Variants in RANBP2 observed in about 807,000 individuals in gnomAD.
The protein encoded by RANBP2 is RAN binding protein 2.
A neutral mutation model predicts 303.6 loss-of-function variants in RANBP2; 57 were observed. The ratio of observed to expected loss-of-function variants is 0.19; its 90% confidence interval spans 0.15 to 0.23. The LOEUF is 0.23. RANBP2 is among the 10% of genes least tolerant of loss of function. The probability of loss-of-function intolerance (pLI) is 1.00; values close to 1 mark genes in which losing one functional copy is unlikely to be tolerated. For synonymous variants in RANBP2, 1,167 were observed against 1,301.5 expected (o/e 0.90, Z 2.23); for missense variants, 3,138 against 3,780.8 (o/e 0.83, Z 4.46).
the RANBP2 span, among the ~76,000 whole-genome samples, chr2:109,644,350 C>T: frequency 2.0e-5 from 3 of 152,176 alleles, no homozygotes; most frequent in South Asian, 2.1e-4. Flanking sequence ...TGACTCTGCA[C>T]GAATTTCTCT....
chr2:109,465,616 C>T, the RANBP2 span, among the ~76,000 whole-genome samples: 6 of 152,154 alleles, frequency 3.9e-5, no homozygotes, highest in Non-Finnish European at 8.8e-5. Flanking sequence ...TAAAGAAATA[C>T]CTGAGACTGG....
the RANBP2 span, among the ~76,000 whole-genome samples, chr2:109,638,761 TGG>T: frequency 1.3e-5 from 2 of 152,170 alleles, no homozygotes; most frequent in African/African-American, 4.8e-5. Flanking sequence ...GGCTCATTCA[TGG>T]GGGCTTGATC....
rs763186550 is a variant in RANBP2 at position 108,772,836 on chromosome 2, T to A, written c.8114-32T>A. ...TGTAGAGAAGTTGGGCTTCATCTAATTTCGTTTGCTTGTGTTGTACTGATT... is the reference window on the plus strand; with the variant it reads ...TGTAGAGAAGTTGGGCTTCATCTAAATTCGTTTGCTTGTGTTGTACTGATT... On this transcript the variant is annotated intron_variant, in intron 22 of 28. Coordinates refer to ENST00000283195, the MANE Select transcript of RANBP2 (RefSeq NM_006267.5). 36 of 1,607,602 alleles carry A rather than the reference T, an allele frequency of 2.2e-5. No homozygotes were observed. The East Asian group carries it at 6.9e-4, about 31-fold the overall frequency.
chr2:108,896,410 G>T, the RANBP2 span: 1 of 156,514 alleles, frequency 6.4e-6, no homozygotes, highest in African/African-American at 2.4e-5. Context: ...TCCCAGTAGG[G>T]AGTCATCTCC....
chr2:109,258,588 G>C, the RANBP2 span, among the ~76,000 whole-genome samples: 3 of 152,192 alleles, frequency 2.0e-5, no homozygotes, highest in South Asian at 4.1e-4. Flanking sequence ...CAGTCATCCC[G>C]CAATTCCCCA....
the RANBP2 span, chr2:108,876,309 T>C: frequency 1.0e-6 from 1 of 962,118 alleles, no homozygotes; most frequent in Non-Finnish European, 1.5e-6. Context: ...CATGTAGAAA[T>C]TACCAAAGTA....
chr2:109,418,173 G>T, the RANBP2 span, among the ~76,000 whole-genome samples: 1 of 152,078 alleles, frequency 6.6e-6, no homozygotes, highest in Non-Finnish European at 1.5e-5. Flanking sequence ...TCCAGTTTCT[G>T]CTGGGACCCC....
the RANBP2 span, among the ~76,000 whole-genome samples, chr2:108,949,372 T>C: frequency 2.6e-5 from 4 of 152,298 alleles, no homozygotes; most frequent in African/African-American, 7.2e-5. Flanking sequence ...GCACAATATC[T>C]GATAATTTTG....
chr2:108,752,238 CT>C (rs1675940806), intron 12 of RANBP2, among the ~76,000 whole-genome samples: 1 of 151,242 alleles, frequency 6.6e-6, no homozygotes, highest in Non-Finnish European at 1.5e-5. Context: ...TAATTAAGTT[CT>C]GATAATTATT....
At chr2:109,572,647 C>T in the RANBP2 span, among the ~76,000 whole-genome samples, 1 of 136,904 alleles carries the variant, frequency 7.3e-6, no homozygotes, top group African/African-American at 2.7e-5. Flanking sequence ...GACGGAGTCT[C>T]GCTCTGTCGC....
At chr2:109,693,216 C>A in the RANBP2 span, among the ~76,000 whole-genome samples, 15 of 152,174 alleles carry the variant, frequency 9.9e-5, no homozygotes, top group East Asian at 2.9e-3. Flanking sequence ...CTCACTCTAT[C>A]GCCCAGGCTG....
chr2:109,630,629 T>G, the RANBP2 span, among the ~76,000 whole-genome samples: 15 of 152,322 alleles, frequency 9.8e-5, no homozygotes, highest in East Asian at 2.7e-3. Flanking sequence ...ATGAGCATAA[T>G]GCACTTTGCT....
rs1444101467 is a variant in RANBP2 at position 108,730,864 on chromosome 2, C to G, written c.231C>G (p.Asp77Glu). Residue 77 changes from aspartate (D) to glutamate (E), a missense_variant, in exon 3 of 29, where the codon GAC becomes GAG. Physicochemically the swap from Asp to Glu is conservative, Grantham distance 45. Around this residue, in one of 20 missense-constraint regions of RANBP2, gnomAD observed 306 missense variants for 381.9 expected, o/e 0.80. Coordinates refer to ENST00000283195, the MANE Select transcript of RANBP2 (RefSeq NM_006267.5). ...GLLYELEENT[D>E]KAVECYRRSV... ...TTTATGAATTGGAAGAAAACACAGA[C>G]AAAGCCGTTGAATGTTACAGGGTAA... The G allele has an allele frequency of 2.0e-5, 33 of 1,611,618 alleles. No individual in the cohort carries two copies. The highest frequency in any genetic ancestry group is 9.9e-5 in the South Asian group (9 of 90,970).
At chr2:109,521,962 C>T in the RANBP2 span, among the ~76,000 whole-genome samples, 1 of 152,212 alleles carries the variant, frequency 6.6e-6, no homozygotes, top group Non-Finnish European at 1.5e-5. Context: ...ATCAGCCGGG[C>T]TCCCAGACCC....
At chr2:108,768,650 C>G (rs550777861) in intron 20 of RANBP2, among the ~76,000 whole-genome samples, 1 of 152,134 alleles carries the variant, frequency 6.6e-6, no homozygotes, top group African/African-American at 2.4e-5. Flanking sequence ...GTACGGTATA[C>G]GGACTCATGC....
chr2:108,910,741 G>T, the RANBP2 span: 6 of 1,608,780 alleles, frequency 3.7e-6, no homozygotes, highest in Non-Finnish European at 5.1e-6. Context: ...GATGGGCACC[G>T]TGCACATGGT....
the RANBP2 span, among the ~76,000 whole-genome samples, chr2:108,962,829 G>A: frequency 1.3e-5 from 2 of 152,098 alleles, no homozygotes; most frequent in South Asian, 4.2e-4. Flanking sequence ...TGAGCAGAGT[G>A]ATGCTGAATT....
the RANBP2 span, among the ~76,000 whole-genome samples, chr2:108,805,844 GA>G: frequency 6.6e-6 from 1 of 152,236 alleles, no homozygotes; most frequent in Non-Finnish European, 1.5e-5. Flanking sequence ...AGAAAGATGT[GA>G]AAGTAAAGGA....
chr2:109,603,081 C>CA, the RANBP2 span, among the ~76,000 whole-genome samples: 52 of 149,884 alleles, frequency 3.5e-4, no homozygotes, highest in Admixed American at 1.4e-3. Flanking sequence ...AAAAACAAAA[C>CA]AAAAAAAACA....
Sources: allele counts gnomAD v4.1 joint callset (sites outside exome capture counted in the v4.1 genomes callset), GRCh38; gene constraint gnomAD v4.1.1; regional missense constraint gnomAD v4.1.1; transcripts MANE v1.5; gene names NCBI Gene and HGNC (gene_info 2026-07-23, HGNC 2026-07-21).